The following SMARCD3 variants were observed in gnomAD, a reference collection of about 807,000 sequenced individuals.
SMARCD3 encodes the protein SWI/SNF related BAF chromatin remodeling complex subunit D3.
A neutral mutation model predicts 58.0 loss-of-function variants in SMARCD3; 14 were observed. The ratio of observed to expected loss-of-function variants is 0.24; its 90% confidence interval spans 0.16 to 0.38. The LOEUF (loss-of-function observed/expected upper bound fraction) is 0.38, where lower values mean the gene tolerates loss of function less well. SMARCD3 is among the 10% of genes least tolerant of loss of function. The pLI is 1.00. For missense variants in SMARCD3, 408 were observed against 636.9 expected (o/e 0.64, Z 3.87); for synonymous variants, 253 against 253.8 (o/e 1.00, Z 0.03).
chr7:151,252,484 GAGAA>G (rs548327032), upstream of SMARCD3, among the ~76,000 whole-genome samples: 12 of 152,204 alleles, frequency 7.9e-5, no homozygotes, highest in East Asian at 5.8e-4. Context: ...GAGGGAGAGA[GAGAA>G]AGAAAGAGAG....
At chr7:151,275,344 G>C (rs1584902665) in intron 1 of SMARCD3, 1 of 616,472 alleles carries the variant, frequency 1.6e-6, no homozygotes, top group Non-Finnish European at 2.9e-6. Context: ...GTGGAGGTCT[G>C]AGGAAGCCAG....
At position 151,239,356 on chromosome 7, in the gene SMARCD3, T is replaced by A; in HGVS notation, c.1398+40A>T. On this transcript the variant is annotated intron_variant, in intron 12 of 12. Coordinates refer to ENST00000262188, the MANE Select transcript of SMARCD3 (RefSeq NM_001003801.2). This position sits in a 1 kb window ranked among gnomAD's most constrained non-coding sequence, Gnocchi z 7.0. ...CTGAACAGGGAGGTTTCTCTTGGAG[T>A]TGAGGATGGGGAAGCCTCAGGGCAA... 1.3e-6 allele frequency: 2 copies of A among 1,525,888 alleles called. No individual in the cohort carries two copies. The highest frequency in any genetic ancestry group is 1.8e-6 in the Non-Finnish European group (2 of 1,100,642). The allele number at this position is 1,525,888 out of a possible 1,614,324, so 94.5% of individuals were successfully genotyped here. A position where few individuals can be genotyped will look rare whatever the true frequency, so the allele number is the denominator to read the frequency against.
At chr7:151,244,691 G>A (rs565220424) in intron 2 of SMARCD3, among the ~76,000 whole-genome samples, 1 of 152,312 alleles carries the variant, frequency 6.6e-6, no homozygotes, top group East Asian at 1.9e-4. Context: ...CCTATAAGTG[G>A]TGATTTTTTC....
At chr7:151,273,052 G>A (rs1216536054) in intron 2 of SMARCD3, among the ~76,000 whole-genome samples, 1 of 152,232 alleles carries the variant, frequency 6.6e-6, no homozygotes, top group Non-Finnish European at 1.5e-5. Flanking sequence ...CTAGGCACCA[G>A]CACCAGGGCC....
chr7:151,275,360 T>A, intron 1 of SMARCD3: 1 of 584,056 alleles, frequency 1.7e-6, no homozygotes, highest in African/African-American at 1.9e-5. Context: ...GCCAGGACAC[T>A]GTGCAGAAAA....
upstream of SMARCD3, among the ~76,000 whole-genome samples, chr7:151,251,844 G>T (rs1185852568): frequency 6.7e-6 from 1 of 149,276 alleles, no homozygotes; most frequent in Non-Finnish European, 1.5e-5. Flanking sequence ...GCCGCGGCCT[G>T]CGGGACGGGC....
rs552965814 is a variant in SMARCD3 at position 151,246,466 on chromosome 7, C to G, written c.79-795G>C. Among the ~76,000 whole-genome samples the G allele has an allele frequency of 1.3e-5, 2 of 152,292 alleles. No homozygotes were observed. The highest frequency in any genetic ancestry group is 4.1e-4 in the South Asian group (2 of 4,826). On this transcript the variant is annotated intron_variant, in intron 1 of 12. Transcript: ENST00000262188. This position sits in a 1 kb window ranked among gnomAD's most constrained non-coding sequence, Gnocchi z 4.4. ...GCCTGCTGGGGCGCCCCAGACACAG[C>G]CAGGATTCTCTGATTGGGAGGAGGG...
At chr7:151,265,236 C>T (rs1015080898) in intron 2 of SMARCD3, among the ~76,000 whole-genome samples, 9 of 152,150 alleles carry the variant, frequency 5.9e-5, no homozygotes, top group Admixed American at 6.5e-5. Context: ...GGCCCTCATC[C>T]AATAGGACTG....
chr7:151,258,438 A>ACG (rs1803777545), intron 2 of SMARCD3, among the ~76,000 whole-genome samples: 1 of 151,726 alleles, frequency 6.6e-6, no homozygotes, highest in Non-Finnish European at 1.5e-5. Context: ...GGTGGCATGC[A>ACG]ACTGTAATCC....
intron 2 of SMARCD3, among the ~76,000 whole-genome samples, chr7:151,255,713 C>T (rs893195088): frequency 7.2e-5 from 11 of 152,122 alleles, no homozygotes; most frequent in African/African-American, 2.7e-4. Flanking sequence ...TCCAGTTCAC[C>T]CTGTCCAGCT....
rs1247502511 is a variant in SMARCD3, at chr7:151,242,487, C to T, written c.573G>A (p.Leu191=). The T allele has an allele frequency of 1.2e-6, 2 of 1,613,560 alleles. No individual in the cohort carries two copies. Among genetic ancestry groups the T allele is most frequent in the South Asian group, 2.2e-5 (2 of 91,078 alleles). ...SWELRVEGKL[L]DDPSKQKRKF... is the part of the protein sequence containing the mutation. ...GACCTGGGCCGGGACGTACATCATCCAGGAGCTTCCCCTCCACCCGTAGCT... is the reference window on the plus strand; with the variant it reads ...GACCTGGGCCGGGACGTACATCATCTAGGAGCTTCCCCTCCACCCGTAGCT... Residue 191 remains leucine, a synonymous_variant, in exon 5 of 13, where the codon CTG becomes CTA. Transcript: ENST00000262188. This position sits in a 1 kb window ranked among gnomAD's most constrained non-coding sequence, Gnocchi z 4.7.
At chr7:151,240,887 GAAGTCAGTGAACT>G (rs1467439472) in intron 8 of SMARCD3, 1 of 284,412 alleles carries the variant, frequency 3.5e-6, no homozygotes, top group Non-Finnish European at 6.7e-6. Flanking sequence ...GCTGCCGTGA[GAAGTCAGTGAACT>G]AATACACATA....
In SMARCD3 at chr7:151,242,874, A is replaced by T. The variant is rs763713773; in HGVS notation, c.334-31T>A. The T allele has an allele frequency of 6.2e-7, 1 of 1,613,202 alleles. No homozygotes were observed. The highest frequency in any genetic ancestry group is 2.2e-5 in the East Asian group (1 of 44,868). Reference sequence around the variant, plus strand: ...GAAGGAGGAGCAGGGCAGGAGTCAGAGGCTCAAGTCCAGGGTTGTACCATG... The same window carrying T: ...GAAGGAGGAGCAGGGCAGGAGTCAGTGGCTCAAGTCCAGGGTTGTACCATG... On this transcript the variant is annotated intron_variant, in intron 3 of 12. Transcript: ENST00000262188. This position sits in a 1 kb window ranked among gnomAD's most constrained non-coding sequence, Gnocchi z 4.7.
rs1491451971 is a variant in SMARCD3, at chr7:151,259,411, A to ATGTGTG, written c.40-13746_40-13741dup. On this transcript the variant is annotated intron_variant, in intron 2 of 13. Coordinates refer to the SMARCD3 transcript ENST00000356800. ...GTAGGGGCTGTGTGTGTGTGTGTGT[A>ATGTGTG]TGTGTGTGTGTGTGTGTTTCTAAAG... 2.2e-5 allele frequency among the ~76,000 whole-genome samples: 3 copies of ATGTGTG among 138,314 alleles called. No individual in the cohort carries two copies. The East Asian group carries it at 6.0e-4, about 28-fold the overall frequency. 90.7% of individuals were successfully genotyped at this position (138,314 alleles called of 152,430 possible).
chr7:151,239,255 G>T lies in SMARCD3; in HGVS notation c.1399-99C>A. 7.1e-7 allele frequency: 1 copy of T among 1,412,472 alleles called. No homozygotes were observed. Among genetic ancestry groups the T allele is most frequent in the Non-Finnish European group, 1.0e-6 (1 of 997,688 alleles). The allele number at this position is 1,412,472 out of a possible 1,614,324, so 87.5% of individuals were successfully genotyped here. ...CCGCCTGCCCTGAAAGAGCATCTGG[G>T]AGCAGGGAGGGCCATTGCATGGTGA... On this transcript the variant is annotated intron_variant, in intron 12 of 12. Transcript: ENST00000262188. The surrounding 1 kb of genome is among the most constrained non-coding windows in gnomAD (Gnocchi z 7.0).
intron 2 of SMARCD3, among the ~76,000 whole-genome samples, chr7:151,274,859 A>T (rs904783315): frequency 6.6e-6 from 1 of 152,226 alleles, no homozygotes; most frequent in Non-Finnish European, 1.5e-5. Context: ...TTTGAGAGGC[A>T]GGACCTAAGG....
At chr7:151,251,672 C>A (rs1351762664), upstream of SMARCD3, among the ~76,000 whole-genome samples, 1 of 151,952 alleles carries the variant, frequency 6.6e-6, no homozygotes, top group East Asian at 1.9e-4. Flanking sequence ...CAATAGGGCG[C>A]CCGCCGCACT....
chr7:151,242,079 A>G lies in SMARCD3; in HGVS notation c.675+58T>C. ...TGACCCAAATCTGTGCTGGTTCTTC[A>G]GGGATTCTGGCCTGTGGGAGGGTGG... On this transcript the variant is annotated intron_variant, in intron 6 of 12. Coordinates refer to ENST00000262188, the MANE Select transcript of SMARCD3 (RefSeq NM_001003801.2). The surrounding 1 kb of genome is among the most constrained non-coding windows in gnomAD (Gnocchi z 4.7). The G allele has an allele frequency of 6.5e-7, 1 of 1,544,564 alleles. No individual in the cohort carries two copies. Among genetic ancestry groups the G allele is most frequent in the Non-Finnish European group, 9.0e-7 (1 of 1,116,942 alleles).
At chr7:151,251,665 T>C (rs1240433898), upstream of SMARCD3, among the ~76,000 whole-genome samples, 1 of 151,294 alleles carries the variant, frequency 6.6e-6, no homozygotes, top group Non-Finnish European at 1.5e-5. Flanking sequence ...CCCAGCGCAA[T>C]AGGGCGCCCG....
Sources: gnomAD v4.1 joint callset for allele counts (sites outside exome capture counted in the v4.1 genomes callset) on GRCh38, gnomAD v4.1.1 for gene constraint, Gnocchi (gnomAD v3.1) non-coding constraint, MANE v1.5 for transcripts, NCBI Gene and HGNC (gene_info 2026-07-23, HGNC 2026-07-21) for gene names.